Variants in CNOT1 observed in about 807,000 individuals in gnomAD.
The protein encoded by CNOT1 is CCR4-NOT transcription complex subunit 1.
In CNOT1, 15 loss-of-function variants were observed where a neutral mutation model predicts 273.8. That is an observed-to-expected ratio of 0.05 (90% CI 0.04 to 0.08). The LOEUF is 0.08. CNOT1 is among the 10% of genes least tolerant of loss of function. CNOT1 has a pLI of 1.00. For synonymous variants in CNOT1, 1,022 were observed against 1,005.5 expected (o/e 1.02, Z -0.31); for missense variants, 1,644 against 2,912.2 (o/e 0.56, Z 10.02).
chr16:58,588,883 C>T lies in CNOT1; in HGVS notation c.126G>A (p.Glu42=). 1 of 1,613,534 alleles carries T rather than the reference C, an allele frequency of 6.2e-7. No homozygotes were observed. The highest frequency in any genetic ancestry group is 1.3e-5 in the African/African-American group (1 of 74,948). The change falls in exon 3 of 49, where the codon GAG becomes GAA. Residue 42 remains glutamate, a synonymous_variant. Coordinates refer to ENST00000317147, the MANE Select transcript of CNOT1 (RefSeq NM_016284.5). Reference sequence around the variant, plus strand: ...GGCAGCGTAATAAATGCCTGTCTGCCTCAGGACCGTGCCGATTCACAATCT... The same window carrying T: ...GGCAGCGTAATAAATGCCTGTCTGCTTCAGGACCGTGCCGATTCACAATCT... ...IQHIVNRHGP[E]ADRHLLRCLF...
intron 16 of CNOT1, among the ~76,000 whole-genome samples, chr16:58,561,056 G>A (rs771604562): frequency 1.6e-4 from 24 of 152,096 alleles, no homozygotes; most frequent in Non-Finnish European, 2.2e-4. Context: ...GTCATGGCAT[G>A]TGCCTGTAAT....
intron 1 of CNOT1, among the ~76,000 whole-genome samples, chr16:58,604,768 G>C (rs537474144): frequency 7.1e-6 from 1 of 141,226 alleles, no homozygotes; most frequent in Admixed American, 7.6e-5. Context: ...TTGCACTCCA[G>C]CCTGCGCAAC....
intron 16 of CNOT1, among the ~76,000 whole-genome samples, chr16:58,565,824 C>T (rs1425645665): frequency 2.6e-5 from 4 of 151,742 alleles, no homozygotes; most frequent in South Asian, 4.2e-4. Context: ...GTGCGCCTGT[C>T]GTCCCAGCTA....
chr16:58,575,279 T>G (rs1567416673), intron 14 of CNOT1, 150 bp from the exon 15 acceptor site: 3 of 1,163,694 alleles, frequency 2.6e-6, no homozygotes, highest in Non-Finnish European at 3.5e-6. Context: ...TAAGCACAAT[T>G]CAGGGGTAAC....
At chr16:58,602,602 A>G in intron 1 of CNOT1, among the ~76,000 whole-genome samples, 1 of 147,382 alleles carries the variant, frequency 6.8e-6, no homozygotes, top group Non-Finnish European at 1.5e-5. Flanking sequence ...AGCCAGGTGT[A>G]AATCTGTAAT....
chr16:58,572,570 A>T (rs1286643029), intron 16 of CNOT1, among the ~76,000 whole-genome samples: 1 of 152,050 alleles, frequency 6.6e-6, no homozygotes, highest in East Asian at 1.9e-4. Context: ...AGCCATAATC[A>T]TGCCACTGTA....
intron 1 of CNOT1, among the ~76,000 whole-genome samples, chr16:58,622,708 G>A (rs771071429): frequency 6.6e-6 from 1 of 151,598 alleles, no homozygotes; most frequent in Non-Finnish European, 1.5e-5. Flanking sequence ...TTAGCCAGAT[G>A]TGGTGGTGGG....
chr16:58,521,465 T>C, intron 47 of CNOT1, 148 bp from the exon 48 acceptor site: 1 of 734,830 alleles, frequency 1.4e-6, no homozygotes, highest in South Asian at 1.9e-5. Context: ...ATTAATATAC[T>C]CCAAATAGCA....
intron 16 of CNOT1, 134 bp from the exon 17 acceptor site, chr16:58,560,496 G>C (rs564313505): frequency 2.1e-6 from 3 of 1,411,572 alleles, no homozygotes; most frequent in Admixed American, 2.9e-5. Context: ...GCAGTAGCAC[G>C]ATATCAATTC....
At position 58,538,071 on chromosome 16, in the gene CNOT1, A is replaced by G; in HGVS notation, c.5245-11T>C. 6.2e-7 allele frequency: 1 copy of G among 1,614,222 alleles called. No individual in the cohort carries two copies. The highest frequency in any genetic ancestry group is 1.3e-5 in the African/African-American group (1 of 75,062). ...GCCATTCTCCATTGACTGGCAACAC[A>G]GAAAACATAATGTGAGAGGGAAAAC... is the stretch of plus-strand genomic sequence containing the variant. On this transcript the variant is annotated splice_polypyrimidine_tract_variant and intron_variant, in intron 37 of 48. Coordinates refer to ENST00000317147, the MANE Select transcript of CNOT1 (RefSeq NM_016284.5).
chr16:58,554,417 C>T (rs2040559984), intron 21 of CNOT1, among the ~76,000 whole-genome samples: 1 of 152,130 alleles, frequency 6.6e-6, no homozygotes, highest in East Asian at 1.9e-4. Context: ...TAGTTTATGC[C>T]TATAATCCCA....
intron 22 of CNOT1, 113 bp from the exon 23 acceptor site, chr16:58,551,932 A>G (rs1024976326): frequency 7.3e-7 from 1 of 1,369,526 alleles, no homozygotes; most frequent in Non-Finnish European, 1.0e-6. Context: ...TGGTTCATCT[A>G]GCTCACATAC....
intron 16 of CNOT1, among the ~76,000 whole-genome samples, chr16:58,560,980 G>A (rs370371424): frequency 6.6e-6 from 1 of 152,086 alleles, no homozygotes; most frequent in African/African-American, 2.4e-5. Flanking sequence ...AGCCGAGATC[G>A]CGCCACTGCA....
At chr16:58,522,386 G>A (rs972774491) in intron 47 of CNOT1, among the ~76,000 whole-genome samples, 1 of 151,752 alleles carries the variant, frequency 6.6e-6, no homozygotes, top group Non-Finnish European at 1.5e-5. Flanking sequence ...AAGATTACAA[G>A]TCCAAGGAGA....
chr16:58,559,085 TAC>T (rs1385097831), intron 17 of CNOT1, among the ~76,000 whole-genome samples: 1 of 152,236 alleles, frequency 6.6e-6, no homozygotes, highest in Non-Finnish European at 1.5e-5. Context: ...TGTAATTTTA[TAC>T]AGTTTTTTTA....
At chr16:58,529,823 A>T (rs1489553904) in intron 43 of CNOT1, among the ~76,000 whole-genome samples, 4 of 123,004 alleles carry the variant, frequency 3.3e-5, no homozygotes, top group Non-Finnish European at 6.5e-5. Flanking sequence ...CCTGGGTTTC[A>T]GAGTGAGACT....
rs535445430 is a variant in CNOT1 at position 58,558,602 on chromosome 16, C to A, written c.2203G>T (p.Gly735Cys). 1.9e-6 allele frequency: 3 copies of A among 1,613,052 alleles called. No individual in the cohort carries two copies. The highest frequency in any genetic ancestry group is 2.5e-6 in the Non-Finnish European group (3 of 1,179,612). Residue 735 changes from glycine (G) to cysteine (C), a missense_variant, in exon 18 of 49, where the codon GGT (glycine) becomes TGT (cysteine). Physicochemically the swap from Gly to Cys is radical, Grantham distance 159. Coordinates refer to ENST00000317147, the MANE Select transcript of CNOT1 (RefSeq NM_016284.5). ...SAAPHTQSMQGFPPNLGSAFS... is the reference protein window; with the variant it reads ...SAAPHTQSMQCFPPNLGSAFS... ...GCAGAACCCAAATTTGGAGGAAAAC[C>A]CTGCATACTCTGGGTGTGAGGGGCA...
At chr16:58,594,633 A>ACCT (rs2042185065) in intron 2 of CNOT1, among the ~76,000 whole-genome samples, 2 of 150,822 alleles carry the variant, frequency 1.3e-5, no homozygotes, top group African/African-American at 4.9e-5. Flanking sequence ...GTGAAACCCC[A>ACCT]CCTCTCTTAA....
intron 1 of CNOT1, among the ~76,000 whole-genome samples, chr16:58,606,055 G>A (rs1359856322): frequency 6.6e-6 from 1 of 152,092 alleles, no homozygotes; most frequent in Non-Finnish European, 1.5e-5. Context: ...TATACTACAA[G>A]TCAACTGTTA....
Sources: gnomAD v4.1 joint callset for allele counts (sites outside exome capture counted in the v4.1 genomes callset) on GRCh38, gnomAD v4.1.1 for gene constraint, MANE v1.5 for transcripts, NCBI Gene and HGNC (gene_info 2026-07-23, HGNC 2026-07-21) for gene names.